The following KCNG2 variants were observed in gnomAD, a reference collection of about 807,000 sequenced individuals.
The protein encoded by KCNG2 is voltage-gated potassium channel regulatory subunit KCNG2.
In KCNG2, 7 loss-of-function variants were observed where a neutral mutation model predicts 12.3. The observed-to-expected ratio is 0.57, with a 90% CI of 0.32 to 1.07. The LOEUF is 1.07. KCNG2 is among the 50% of genes least tolerant of loss of function. The pLI is 0.04. For synonymous variants in KCNG2, 414 were observed against 351.4 expected, an observed-to-expected ratio of 1.18 and a Z score of -1.99; for missense variants, 703 against 726.0, an observed-to-expected ratio of 0.97 and a Z score of 0.36.
intron 3 of KCNG2, among the ~76,000 whole-genome samples, chr18:79,867,574 G>C (rs62103186): frequency 0.078 from 10,095 of 128,846 alleles, 665 homozygotes; most frequent in Middle Eastern, 0.13. Flanking sequence ...GAGGGACCGT[G>C]AGCTCAGTGT....
At chr18:79,828,718 A>G (rs1400602638) in intron 1 of KCNG2, among the ~76,000 whole-genome samples, 2 of 146,614 alleles carry the variant, frequency 1.4e-5, no homozygotes, top group Non-Finnish European at 3.0e-5. Context: ...TGTGTGTAAC[A>G]TGTCCATGAT....
In KCNG2 at chr18:79,827,289, G is replaced by A. The variant is rs536841931; in HGVS notation, c.-114-29090G>A. 1.7e-3 allele frequency among the ~76,000 whole-genome samples: 255 copies of A among 152,352 alleles called. 1 individual carries two copies. Among genetic ancestry groups the A allele is most frequent in the African/African-American group, 5.8e-3 (242 of 41,580 alleles). On this transcript the variant is annotated intron_variant, in intron 1 of 3. Transcript: ENST00000316249. ...GGCAGGAGATGTGGGTGGGATCCCT[G>A]CAGGAAACCGTGAGGGTTTCAAACT... is the stretch of plus-strand genomic sequence containing the variant.
intron 1 of KCNG2, among the ~76,000 whole-genome samples, chr18:79,801,217 G>A (rs1479959073): frequency 2.0e-5 from 3 of 152,244 alleles, no homozygotes; most frequent in African/African-American, 7.2e-5. Flanking sequence ...TTGATTATGA[G>A]TTTAGAAAAA....
intron 3 of KCNG2, among the ~76,000 whole-genome samples, chr18:79,892,144 G>T (rs1399021842): frequency 6.6e-6 from 1 of 151,682 alleles, no homozygotes; most frequent in Admixed American, 6.6e-5. Context: ...ACACAGTGCG[G>T]TATTGAAGTC....
In KCNG2 at chr18:79,822,628, G is replaced by A. The variant is rs1402887581; in HGVS notation, c.-115+24614G>A. 2.6e-5 allele frequency among the ~76,000 whole-genome samples: 4 copies of A among 152,020 alleles called. No homozygotes were observed. The highest frequency in any genetic ancestry group is 6.5e-5 in the Admixed American group (1 of 15,268). ...TAATTTTTGTAGAGATGGGGGTCTCGCTGTGTTGCCCCGGCAGGTCTTGAA... is the reference window on the plus strand; with the variant it reads ...TAATTTTTGTAGAGATGGGGGTCTCACTGTGTTGCCCCGGCAGGTCTTGAA... On this transcript the variant is annotated intron_variant, in intron 1 of 3. Transcript: ENST00000316249. The surrounding 1 kb of genome is among the most constrained non-coding windows in gnomAD (Gnocchi z 4.4).
rs572103914 is a variant in KCNG2 at position 79,806,237 on chromosome 18, G to A, written c.-115+8223G>A. Among the ~76,000 whole-genome samples the A allele has an allele frequency of 9.8e-5, 15 of 152,302 alleles. No individual in the cohort carries two copies. The East Asian group carries it at 2.9e-3, about 29-fold the overall frequency. On this transcript the variant is annotated intron_variant, in intron 1 of 3. Transcript: ENST00000316249. ...CTCAGGCAAGGCCGTCGTGCTGGGG[G>A]TTGGGGCGTGGGGCCATCAGCAAGC...
In KCNG2 at chr18:79,899,685, A is replaced by C; in HGVS notation, c.1270A>C (p.Ser424Arg). The C allele has an allele frequency of 6.2e-7, 1 of 1,607,662 alleles. No homozygotes were observed. The highest frequency in any genetic ancestry group is 8.5e-7 in the Non-Finnish European group (1 of 1,178,100). Residue 424 changes from serine to arginine, a missense_variant, in exon 4 of 4, where the codon AGC becomes CGC. Coordinates refer to ENST00000316249, the MANE Select transcript of KCNG2 (RefSeq NM_012283.2). ...ELKEQQQRAA[S>R]PEPALQEDST... Reference sequence around the variant, plus strand: ...CAAGGAGCAGCAGCAGCGCGCGGCCAGCCCCGAGCCGGCCCTGCAGGAGGA... The same window carrying C: ...CAAGGAGCAGCAGCAGCGCGCGGCCCGCCCCGAGCCGGCCCTGCAGGAGGA...
At chr18:79,883,753 C>T (rs926911904) in intron 3 of KCNG2, among the ~76,000 whole-genome samples, 1 of 152,264 alleles carries the variant, frequency 6.6e-6, no homozygotes, top group Admixed American at 6.5e-5. Flanking sequence ...AGCTGTTCCA[C>T]TTCCAGGTAC....
At chr18:79,890,718 G>C (rs1367487837) in intron 3 of KCNG2, among the ~76,000 whole-genome samples, 1 of 152,100 alleles carries the variant, frequency 6.6e-6, no homozygotes, top group Non-Finnish European at 1.5e-5. Context: ...TTTTCTTGTG[G>C]GTAGTTTGAG....
rs75567270 is a variant in KCNG2 at position 79,865,922 on chromosome 18, A to T, written c.624+1631A>T. On this transcript the variant is annotated intron_variant, in intron 3 of 3. Coordinates refer to ENST00000316249, the MANE Select transcript of KCNG2 (RefSeq NM_012283.2). ...TGCTGAGAGGTCTGTGTGCTGAGAG[A>T]TCTGGGTGCTGAGGTCTGGATGCTG... Among the ~76,000 whole-genome samples, 166 of 60,338 alleles carry T rather than the reference A, an allele frequency of 2.8e-3. 7 individuals are homozygous for T. The highest frequency in any genetic ancestry group is 1.1e-3 in the Non-Finnish European group (35 of 30,494). 39.6% of individuals were successfully genotyped at this position (60,338 alleles called of 152,430 possible).
In KCNG2 at chr18:79,884,987, A is replaced by C. The variant is rs1003816629; in HGVS notation, c.625-14053A>C. Among the ~76,000 whole-genome samples, 1 of 152,158 alleles carries C rather than the reference A, an allele frequency of 6.6e-6. No homozygotes were observed. Among genetic ancestry groups the C allele is most frequent in the Non-Finnish European group, 1.5e-5 (1 of 68,012 alleles). ...TGTGCGGTCCACTTTCCCTCCCCAA[A>C]GAAGCGCTTGCCCAACTCTCGGGGT... On this transcript the variant is annotated intron_variant, in intron 3 of 3. Coordinates refer to ENST00000316249, the MANE Select transcript of KCNG2 (RefSeq NM_012283.2). The surrounding 1 kb of genome is among the most constrained non-coding windows in gnomAD (Gnocchi z 5.5).
At chr18:79,830,586 G>A (rs1054367720) in intron 1 of KCNG2, among the ~76,000 whole-genome samples, 19 of 152,262 alleles carry the variant, frequency 1.2e-4, no homozygotes, top group African/African-American at 1.7e-4. Context: ...CTCCAGAACC[G>A]CCCCAGCTCC....
chr18:79,808,851 G>A (rs1159346898), intron 1 of KCNG2, among the ~76,000 whole-genome samples: 1 of 1,888 alleles, frequency 5.3e-4, no homozygotes, highest in Admixed American at 4.9e-3. Flanking sequence ...GCGCTCTGAG[G>A]AGCTGCCGGG....
intron 3 of KCNG2, among the ~76,000 whole-genome samples, chr18:79,892,386 A>G (rs1320838713): frequency 6.6e-6 from 1 of 152,238 alleles, no homozygotes; most frequent in Admixed American, 6.5e-5. Flanking sequence ...TGGATGATAT[A>G]TCTTTTCCTA....
At chr18:79,873,664 C>T (rs1334131485) in intron 3 of KCNG2, among the ~76,000 whole-genome samples, 1 of 152,182 alleles carries the variant, frequency 6.6e-6, no homozygotes, top group Non-Finnish European at 1.5e-5. Context: ...CACCCCATGT[C>T]CTCAGTGTCT....
At chr18:79,827,469 A>G (rs750407335) in intron 1 of KCNG2, among the ~76,000 whole-genome samples, 4 of 152,112 alleles carry the variant, frequency 2.6e-5, no homozygotes, top group Non-Finnish European at 5.9e-5. Flanking sequence ...GGGCCTGGGG[A>G]CTGGTAGTTT....
rs118164724 is a variant in KCNG2 at position 79,896,263 on chromosome 18, G to A, written c.625-2777G>A. Among the ~76,000 whole-genome samples the A allele has an allele frequency of 2.6e-3, 398 of 152,206 alleles. 13 individuals carry two copies. In the East Asian group the frequency reaches 0.048, roughly 18 times the overall value. ...TGACAGGCATGAGCCACCACACCCA[G>A]CCCACTAATGATATTTTAAAGTTTT... On this transcript the variant is annotated intron_variant, in intron 3 of 3. Coordinates refer to ENST00000316249, the MANE Select transcript of KCNG2 (RefSeq NM_012283.2).
intron 2 of KCNG2, among the ~76,000 whole-genome samples, chr18:79,862,913 C>G (rs904602660): frequency 6.6e-6 from 1 of 152,156 alleles, no homozygotes. Flanking sequence ...GTGCTGGTAC[C>G]GGGAATGCAG....
rs1452570464 is a variant in KCNG2 at position 79,884,431 on chromosome 18, CA to C, written c.625-14608del. ...GCGCCTCTGCTCAACCCCGGCCTGGCAGGGACTGGCTGGTTCCCTTCCTTGG... is the reference window on the plus strand; with the variant it reads ...GCGCCTCTGCTCAACCCCGGCCTGGCGGGACTGGCTGGTTCCCTTCCTTGG... On this transcript the variant is annotated intron_variant, in intron 3 of 3. Transcript: ENST00000316249. This position sits in a 1 kb window ranked among gnomAD's most constrained non-coding sequence, Gnocchi z 5.5. 3.3e-5 allele frequency among the ~76,000 whole-genome samples: 5 copies of C among 152,224 alleles called. No homozygotes were observed. Among genetic ancestry groups the C allele is most frequent in the African/African-American group, 1.2e-4 (5 of 41,468 alleles).
Sources: gnomAD v4.1 joint callset for allele counts (sites outside exome capture counted in the v4.1 genomes callset) on GRCh38, gnomAD v4.1.1 for gene constraint, Gnocchi (gnomAD v3.1) non-coding constraint, MANE v1.5 for transcripts, NCBI Gene and HGNC (gene_info 2026-07-23, HGNC 2026-07-21) for gene names.